Variants in SORCS1 observed in about 807,000 individuals in gnomAD.
The protein encoded by SORCS1 is VPS10 domain-containing receptor SorCS1.
SORCS1 carries 60 observed loss-of-function variants against 146.1 expected under a neutral mutation model. That is an observed-to-expected ratio of 0.41 (90% CI 0.33 to 0.51). The LOEUF (loss-of-function observed/expected upper bound fraction) is 0.51, where lower values mean the gene tolerates loss of function less well. Ranked by LOEUF, SORCS1 falls within the 20% of genes least tolerant of loss-of-function variation. SORCS1 has a pLI of 0.21. For synonymous variants in SORCS1, 637 were observed against 584.0 expected, an observed-to-expected ratio of 1.09 and a Z score of -1.31; for missense variants, 1,352 against 1,487.6, an observed-to-expected ratio of 0.91 and a Z score of 1.50.
At chr10:106,787,989 G>A (rs1364702051) in intron 3 of SORCS1, among the ~76,000 whole-genome samples, 1 of 152,192 alleles carries the variant, frequency 6.6e-6, no homozygotes, top group Non-Finnish European at 1.5e-5. Context: ...AGATGGTTTG[G>A]CTTTCTTTGA....
chr10:106,746,224 T>C (rs1016182059), intron 5 of SORCS1, among the ~76,000 whole-genome samples: 4 of 152,262 alleles, frequency 2.6e-5, no homozygotes, highest in Admixed American at 6.5e-5. Flanking sequence ...CACTGTTTTT[T>C]ACCAATGTTA....
chr10:106,780,672 G>T (rs546592112), intron 3 of SORCS1, among the ~76,000 whole-genome samples: 1 of 152,306 alleles, frequency 6.6e-6, no homozygotes, highest in South Asian at 2.1e-4. Flanking sequence ...TCTACTTGAG[G>T]CAAGGAAGGT....
intron 1 of SORCS1, among the ~76,000 whole-genome samples, chr10:107,151,174 G>A (rs915859414): frequency 1.3e-5 from 2 of 152,154 alleles, no homozygotes; most frequent in Admixed American, 6.5e-5. Flanking sequence ...GAAGTTTGGA[G>A]CTTCCTAGAG....
At chr10:106,752,803 C>T (rs1351440790) in intron 5 of SORCS1, among the ~76,000 whole-genome samples, 2 of 151,814 alleles carry the variant, frequency 1.3e-5, no homozygotes, top group Non-Finnish European at 2.9e-5. Flanking sequence ...AGGGATAATA[C>T]TATGAGGGAA....
intron 24 of SORCS1, among the ~76,000 whole-genome samples, chr10:106,591,360 GA>G (rs59877060): frequency 0.019 from 2,887 of 150,842 alleles, 36 homozygotes; most frequent in Middle Eastern, 0.048. Flanking sequence ...CCTGCCATAA[GA>G]AAAAAAAATA....
At chr10:106,804,003 A>G (rs1336930236) in intron 3 of SORCS1, among the ~76,000 whole-genome samples, 1 of 152,160 alleles carries the variant, frequency 6.6e-6, no homozygotes, top group Non-Finnish European at 1.5e-5. Context: ...TATGGGGCCA[A>G]TTTGTGGGGA....
chr10:107,068,010 A>G (rs1160304872), intron 1 of SORCS1, among the ~76,000 whole-genome samples: 2 of 152,164 alleles, frequency 1.3e-5, no homozygotes, highest in Admixed American at 1.3e-4. Flanking sequence ...TTCCATGGCA[A>G]GCTTGGTACA....
At chr10:107,021,152 G>C (rs1464186518) in intron 1 of SORCS1, among the ~76,000 whole-genome samples, 1 of 152,070 alleles carries the variant, frequency 6.6e-6, no homozygotes, top group Non-Finnish European at 1.5e-5. Context: ...CTGTGTGTGT[G>C]TCCCTACAGT....
intron 1 of SORCS1, among the ~76,000 whole-genome samples, chr10:107,094,813 A>G (rs567654403): frequency 7.3e-4 from 111 of 152,366 alleles, no homozygotes; most frequent in African/African-American, 2.6e-3. Context: ...CGGGAGAAGC[A>G]ACATGGTTAG....
chr10:106,602,808 A>C (rs932270174), intron 23 of SORCS1, among the ~76,000 whole-genome samples: 1 of 152,198 alleles, frequency 6.6e-6, no homozygotes, highest in African/African-American at 2.4e-5. Context: ...CCCAAGTTAA[A>C]AAGATCTGGA....
intron 2 of SORCS1, among the ~76,000 whole-genome samples, chr10:106,850,823 T>C (rs551074969): frequency 2.6e-5 from 4 of 152,302 alleles, no homozygotes; most frequent in African/African-American, 9.6e-5. Flanking sequence ...AGGAGTCATT[T>C]CCACCCTGCC....
intron 1 of SORCS1, among the ~76,000 whole-genome samples, chr10:107,111,787 A>G (rs1253190960): frequency 6.6e-6 from 1 of 152,220 alleles, no homozygotes; most frequent in African/African-American, 2.4e-5. Flanking sequence ...TAAATGAATT[A>G]TTAAAAGTCA....
At chr10:107,023,726 A>T (rs543492675) in intron 1 of SORCS1, among the ~76,000 whole-genome samples, 26 of 152,284 alleles carry the variant, frequency 1.7e-4, no homozygotes, top group African/African-American at 6.3e-4. Context: ...GGAAAAATAG[A>T]GGAATTTGCT....
chr10:106,824,649 G>A (rs1251585309), intron 3 of SORCS1, among the ~76,000 whole-genome samples: 1 of 151,110 alleles, frequency 6.6e-6, no homozygotes, highest in Non-Finnish European at 1.5e-5. Flanking sequence ...ATGACAAGAG[G>A]AATTAAGCAT....
At chr10:106,597,946 G>A (rs988190586) in intron 23 of SORCS1, among the ~76,000 whole-genome samples, 4 of 152,048 alleles carry the variant, frequency 2.6e-5, no homozygotes, top group African/African-American at 4.8e-5. Context: ...CAGCCACAAC[G>A]TAAGTAACAA....
intron 17 of SORCS1, among the ~76,000 whole-genome samples, chr10:106,664,272 C>T (rs2135403468): frequency 6.6e-6 from 1 of 152,282 alleles, no homozygotes; most frequent in Non-Finnish European, 1.5e-5. Context: ...TTTTATATGG[C>T]ATAGATGGTA....
chr10:106,951,766 T>C (rs2138916304), intron 2 of SORCS1, among the ~76,000 whole-genome samples: 1 of 152,342 alleles, frequency 6.6e-6, no homozygotes, highest in Admixed American at 6.5e-5. Context: ...TGCTAAGTCT[T>C]GTACTTGGGG....
intron 3 of SORCS1, among the ~76,000 whole-genome samples, chr10:106,797,052 A>G (rs1589899523): frequency 6.6e-6 from 1 of 152,174 alleles, no homozygotes; most frequent in Non-Finnish European, 1.5e-5. Flanking sequence ...GGTTGCAGTA[A>G]GCCGGGATCA....
chr10:106,963,127 T>TTTTTTTTC (rs1363409080), intron 1 of SORCS1, among the ~76,000 whole-genome samples: 5 of 131,578 alleles, frequency 3.8e-5, no homozygotes, highest in Admixed American at 2.4e-4. Context: ...TTTTTTTTTT[T>TTTTTTTTC]TTTTTTTTGA....
Sources: allele counts gnomAD v4.1 joint callset (sites outside exome capture counted in the v4.1 genomes callset), GRCh38; gene constraint gnomAD v4.1.1; transcripts MANE v1.5; gene names NCBI Gene and HGNC (gene_info 2026-07-23, HGNC 2026-07-21).